Variants in ARHGAP42 observed in about 807,000 individuals in gnomAD.
ARHGAP42 encodes the protein Rho GTPase activating protein 42.
Under a neutral mutation model 125.0 loss-of-function variants are expected in ARHGAP42, and 63 were observed. The observed-to-expected ratio is 0.50, with a 90% CI of 0.41 to 0.62. The LOEUF is 0.62. Ranked by LOEUF, ARHGAP42 falls within the 20% of genes least tolerant of loss-of-function variation. ARHGAP42 has a pLI of 0.00. For synonymous variants in ARHGAP42, 339 were observed against 351.0 expected (o/e 0.97, Z 0.38); for missense variants, 766 against 1,024.2 (o/e 0.75, Z 3.44).
intron 12 of ARHGAP42, among the ~76,000 whole-genome samples, chr11:100,954,480 A>C (rs483789): frequency 0.88 from 133,840 of 151,774 alleles, 59,099 homozygotes; most frequent in East Asian, 1. Context: ...TTGTGTGTTT[A>C]AGTGGCTTTC....
chr11:100,735,602 CTTTT>C (rs58522622), intron 1 of ARHGAP42, among the ~76,000 whole-genome samples: 6 of 73,048 alleles, frequency 8.2e-5, no homozygotes, highest in African/African-American at 2.8e-4. Context: ...TTTACTTGTA[CTTTT>C]TTTTTTTTTT....
At chr11:100,937,236 A>G (rs1215112050) in intron 8 of ARHGAP42, among the ~76,000 whole-genome samples, 1 of 152,108 alleles carries the variant, frequency 6.6e-6, no homozygotes, top group Non-Finnish European at 1.5e-5. Context: ...TCTCATAACT[A>G]CCTACCTTGG....
chr11:100,711,522 T>C (rs1307366769), intron 1 of ARHGAP42, among the ~76,000 whole-genome samples: 1 of 152,180 alleles, frequency 6.6e-6, no homozygotes, highest in Non-Finnish European at 1.5e-5. Flanking sequence ...GCCCAGATAA[T>C]TTTTTGTCTA....
intron 3 of ARHGAP42, among the ~76,000 whole-genome samples, chr11:100,847,125 C>T (rs1489102259): frequency 1.3e-5 from 2 of 152,166 alleles, no homozygotes; most frequent in South Asian, 2.1e-4. Flanking sequence ...ACTTAACACC[C>T]TCCCACTAAC....
chr11:100,978,027 A>C (rs1287520543), intron 21 of ARHGAP42, among the ~76,000 whole-genome samples: 1 of 152,188 alleles, frequency 6.6e-6, no homozygotes, highest in Non-Finnish European at 1.5e-5. Flanking sequence ...AAATCCAGTT[A>C]CAGTGGTATA....
chr11:100,779,335 C>T (rs935561259), intron 2 of ARHGAP42, among the ~76,000 whole-genome samples: 10 of 150,598 alleles, frequency 6.6e-5, no homozygotes, highest in Non-Finnish European at 1.2e-4. Context: ...ATCCCAGCTA[C>T]TCGAGAGGCT....
chr11:100,916,176 G>A (rs1373112517), intron 5 of ARHGAP42, among the ~76,000 whole-genome samples: 2 of 152,182 alleles, frequency 1.3e-5, no homozygotes, highest in Non-Finnish European at 2.9e-5. Flanking sequence ...TGGAGAATCA[G>A]AAGCAAACTT....
At chr11:100,733,824 G>GAAA (rs1862003683) in intron 1 of ARHGAP42, among the ~76,000 whole-genome samples, 2 of 29,784 alleles carry the variant, frequency 6.7e-5, no homozygotes, top group Non-Finnish European at 1.1e-4. Flanking sequence ...GATTCTGTCT[G>GAAA]GAAAAAAAAA....
rs542036915 is a variant in ARHGAP42 at position 100,690,835 on chromosome 11, C to T, written c.154+3003C>T. 1.2e-3 allele frequency among the ~76,000 whole-genome samples: 181 copies of T among 152,144 alleles called. 1 individual carries two copies. Among genetic ancestry groups the T allele is most frequent in the East Asian group, 7.8e-4 (4 of 5,160 alleles). ...CAGGATGATCTCGATCTCCTGACCT[C>T]GTGATCTGCCCGCCTCAGCCTCCCA... On this transcript the variant is annotated intron_variant, in intron 1 of 23. Coordinates refer to ENST00000298815, the MANE Select transcript of ARHGAP42 (RefSeq NM_152432.4).
At chr11:100,791,069 G>T (rs1185409214) in intron 2 of ARHGAP42, among the ~76,000 whole-genome samples, 1 of 152,130 alleles carries the variant, frequency 6.6e-6, no homozygotes, top group Non-Finnish European at 1.5e-5. Context: ...GGTGCTGGGG[G>T]TAGTTATTTT....
intron 1 of ARHGAP42, among the ~76,000 whole-genome samples, chr11:100,691,617 GT>G (rs1861192680): frequency 6.6e-6 from 1 of 152,110 alleles, no homozygotes; most frequent in Non-Finnish European, 1.5e-5. Context: ...CCAGGCTCAG[GT>G]GATCCTCCCA....
At chr11:100,978,582 T>A (rs1341318574) in intron 21 of ARHGAP42, among the ~76,000 whole-genome samples, 2 of 152,210 alleles carry the variant, frequency 1.3e-5, no homozygotes, top group African/African-American at 4.8e-5. Context: ...ATTAGTGTTT[T>A]CTTAGCTAAA....
intron 3 of ARHGAP42, among the ~76,000 whole-genome samples, chr11:100,835,178 T>TA (rs1864756565): frequency 6.6e-6 from 1 of 152,104 alleles, no homozygotes; most frequent in Non-Finnish European, 1.5e-5. Flanking sequence ...GAACTTAACT[T>TA]ACGAGGTTCC....
chr11:100,711,558 A>G (rs1184865111), intron 1 of ARHGAP42, among the ~76,000 whole-genome samples: 1 of 151,856 alleles, frequency 6.6e-6, no homozygotes, highest in Admixed American at 6.6e-5. Context: ...ATGTCTCACT[A>G]TGTTGCCCAG....
At chr11:100,908,816 C>T (rs574598776) in intron 4 of ARHGAP42, among the ~76,000 whole-genome samples, 2 of 152,256 alleles carry the variant, frequency 1.3e-5, no homozygotes, top group East Asian at 1.9e-4. Flanking sequence ...CTTTGCAAAA[C>T]CTTCATACTG....
chr11:100,764,885 T>C (rs1382313025), intron 1 of ARHGAP42, among the ~76,000 whole-genome samples: 1 of 152,134 alleles, frequency 6.6e-6, no homozygotes, highest in East Asian at 1.9e-4. Flanking sequence ...ATCAGTGAGA[T>C]AAAGGTGAAA....
chr11:100,719,783 T>C (rs1861729003), intron 1 of ARHGAP42, among the ~76,000 whole-genome samples: 1 of 152,226 alleles, frequency 6.6e-6, no homozygotes, highest in South Asian at 2.1e-4. Flanking sequence ...ATCCTGAGCC[T>C]GTTGTTTTAC....
intron 4 of ARHGAP42, among the ~76,000 whole-genome samples, chr11:100,864,258 C>T (rs1217449167): frequency 6.6e-6 from 1 of 151,484 alleles, no homozygotes; most frequent in Non-Finnish European, 1.5e-5. Flanking sequence ...AATCTCGGCT[C>T]ACTGCAACCT....
intron 3 of ARHGAP42, among the ~76,000 whole-genome samples, chr11:100,842,242 G>T (rs562197102): frequency 2.6e-5 from 4 of 152,010 alleles, no homozygotes; most frequent in African/African-American, 4.8e-5. Context: ...ATTCACCATC[G>T]TCTACATGCA....
Sources: gnomAD v4.1 joint callset for allele counts (sites outside exome capture counted in the v4.1 genomes callset) on GRCh38, gnomAD v4.1.1 for gene constraint, MANE v1.5 for transcripts, NCBI Gene and HGNC (gene_info 2026-07-23, HGNC 2026-07-21) for gene names.